GRIN2B: variants seen among roughly 807,000 people sequenced by gnomAD.
GRIN2B encodes glutamate receptor ionotropic, NMDA 2B.
Under a neutral mutation model 114.5 loss-of-function variants are expected in GRIN2B, and 5 were observed. That is an observed-to-expected ratio of 0.04 (90% confidence interval 0.02 to 0.09). The LOEUF (loss-of-function observed/expected upper bound fraction) is 0.09, where lower values mean the gene tolerates loss of function less well. Among genes scored for constraint, GRIN2B ranks in the 10% least tolerant of loss-of-function variants. The pLI, the probability that GRIN2B is intolerant of heterozygous loss-of-function variation, is 1.00. For missense variants in GRIN2B, 1,108 were observed against 1,943.5 expected (o/e 0.57, Z 8.08); for synonymous variants, 787 against 745.1 (o/e 1.06, Z -0.92).
At chr12:13,587,712 T>A (rs900512253) in intron 10 of GRIN2B, among the ~76,000 whole-genome samples, 3 of 152,204 alleles carry the variant, frequency 2.0e-5, no homozygotes, top group African/African-American at 7.2e-5. Flanking sequence ...ACATTTATTT[T>A]TTCCACTTAA....
At chr12:13,607,399 TAATATATAA>T (rs1949291264) in intron 10 of GRIN2B, among the ~76,000 whole-genome samples, 1 of 73,914 alleles carries the variant, frequency 1.4e-5, no homozygotes, top group Non-Finnish European at 2.4e-5. Context: ...ATATTATATA[TAATATATAA>T]AATATATAAT....
chr12:13,926,670 G>A (rs1866917275), intron 2 of GRIN2B, among the ~76,000 whole-genome samples: 1 of 152,154 alleles, frequency 6.6e-6, no homozygotes. Flanking sequence ...AGACAAATTT[G>A]TGGCCGGGTG....
At chr12:13,827,190 T>C (rs1865054713) in intron 3 of GRIN2B, among the ~76,000 whole-genome samples, 1 of 150,074 alleles carries the variant, frequency 6.7e-6, no homozygotes. Flanking sequence ...ATTGCTAGTT[T>C]TCAGCAATTT....
chr12:13,841,773 T>C (rs1865382018), intron 3 of GRIN2B, among the ~76,000 whole-genome samples: 1 of 152,130 alleles, frequency 6.6e-6, no homozygotes, highest in African/African-American at 2.4e-5. Context: ...ATGTATTGGG[T>C]TGTTGACACA....
chr12:13,948,879 G>A (rs757297470), intron 2 of GRIN2B, among the ~76,000 whole-genome samples: 22 of 152,174 alleles, frequency 1.4e-4, no homozygotes, highest in Non-Finnish European at 2.9e-4. Flanking sequence ...CTAAACTGAT[G>A]GGCAGCCACT....
At position 13,564,428 on chromosome 12, in the gene GRIN2B, T is replaced by C. The variant is rs1168893427; in HGVS notation, c.2810A>G (p.His937Arg). ...RESSVYDISEHRRSFTHSDCK... is the reference protein window; with the variant it reads ...RESSVYDISERRRSFTHSDCK... Reference sequence around the variant, plus strand: ...GTCAGAATGCGTGAAGCTGCGGCGGTGCTCTGAGATGTCATAGACGGATGA... The same window carrying C: ...GTCAGAATGCGTGAAGCTGCGGCGGCGCTCTGAGATGTCATAGACGGATGA... Residue 937 changes from histidine (H) to arginine (R), a missense_variant, in exon 14 of 14, where the codon CAC becomes CGC. His to Arg is a conservative substitution (Grantham distance 29). Coordinates refer to ENST00000609686, the MANE Select transcript of GRIN2B (RefSeq NM_000834.5). This position sits in a 1 kb window ranked among gnomAD's most constrained non-coding sequence, Gnocchi z 4.8. 1.1e-5 allele frequency: 17 copies of C among 1,614,234 alleles called. No homozygotes were observed. Among genetic ancestry groups the C allele is most frequent in the Non-Finnish European group, 1.4e-5 (17 of 1,180,034 alleles).
chr12:13,835,412 T>C (rs1224618884), intron 3 of GRIN2B, among the ~76,000 whole-genome samples: 1 of 151,944 alleles, frequency 6.6e-6, no homozygotes, highest in East Asian at 1.9e-4. Context: ...TTCTGGGAAA[T>C]AATATTTAAA....
chr12:13,794,230 G>GAAAAGAAA (rs1864375574), intron 3 of GRIN2B, among the ~76,000 whole-genome samples: 2 of 141,430 alleles, frequency 1.4e-5, no homozygotes, highest in Admixed American at 7.1e-5. Context: ...AAAAGAAAAA[G>GAAAAGAAA]AAAAGAAAAA....
chr12:13,878,637 A>G (rs1431389891), intron 2 of GRIN2B, among the ~76,000 whole-genome samples: 3 of 152,156 alleles, frequency 2.0e-5, no homozygotes, highest in African/African-American at 7.2e-5. Context: ...CGAAAGCAAG[A>G]CCTGAATTCT....
At chr12:13,623,636 TG>T (rs1235205086) in intron 5 of GRIN2B, among the ~76,000 whole-genome samples, 1 of 152,230 alleles carries the variant, frequency 6.6e-6, no homozygotes, top group African/African-American at 2.4e-5. Context: ...TTGAGTTGTT[TG>T]TCTTTCTTAT....
intron 2 of GRIN2B, among the ~76,000 whole-genome samples, chr12:13,975,724 T>C (rs561135358): frequency 6.6e-6 from 1 of 152,358 alleles, no homozygotes; most frequent in Non-Finnish European, 1.5e-5. Context: ...GATTCTAAGA[T>C]GAATAAAACA....
At chr12:13,887,396 G>A (rs1866181389) in intron 2 of GRIN2B, among the ~76,000 whole-genome samples, 2 of 152,010 alleles carry the variant, frequency 1.3e-5, no homozygotes, top group Admixed American at 6.6e-5. Context: ...ATTAGGAAGT[G>A]TAGTAAAATC....
intron 3 of GRIN2B, among the ~76,000 whole-genome samples, chr12:13,854,021 A>G (rs1865616460): frequency 6.6e-6 from 1 of 152,166 alleles, no homozygotes; most frequent in Non-Finnish European, 1.5e-5. Context: ...CAGTTGTGAT[A>G]TGGACTATGT....
intron 5 of GRIN2B, among the ~76,000 whole-genome samples, chr12:13,624,266 A>G (rs1949547620): frequency 6.6e-6 from 1 of 152,110 alleles, no homozygotes; most frequent in Non-Finnish European, 1.5e-5. Flanking sequence ...AATAACAACT[A>G]TGTTCTCAGT....
rs1181585845 is a variant in GRIN2B at position 13,557,384 on chromosome 12, T to C, written c.*5399A>G. 6.6e-6 allele frequency: 1 copy of C among 152,188 alleles called. No individual in the cohort carries two copies. Among genetic ancestry groups the C allele is most frequent in the African/African-American group, 2.4e-5 (1 of 41,436 alleles). 9.4% of individuals were successfully genotyped at this position (152,188 alleles called of 1,614,324 possible). A position where few individuals can be genotyped will look rare whatever the true frequency, so the allele number is the denominator to read the frequency against. On this transcript the variant is annotated 3_prime_UTR_variant, in exon 14 of 14. Coordinates refer to ENST00000609686, the MANE Select transcript of GRIN2B (RefSeq NM_000834.5). ...GCACCCCCTATGGAGGTGGAAAGTA[T>C]AGGATATAGACCAACTCAGCTAATT...
Position 13,761,742 on chromosome 12 carries a change from A to C in GRIN2B, c.412-7827T>G, listed in dbSNP as rs373821769. 1.9e-3 allele frequency among the ~76,000 whole-genome samples: 290 copies of C among 152,352 alleles called. 2 individuals carry two copies. Among genetic ancestry groups the C allele is most frequent in the African/African-American group, 6.5e-3 (271 of 41,590 alleles). ...AGAGCAAGCTGACAAGTTCAGCAAC[A>C]ATCAGGTTCTGTGACTGAATAAATG... On this transcript the variant is annotated intron_variant, in intron 3 of 13. Transcript: ENST00000609686.
intron 2 of GRIN2B, among the ~76,000 whole-genome samples, chr12:13,916,465 A>T (rs895734767): frequency 1.3e-5 from 2 of 152,094 alleles, no homozygotes; most frequent in African/African-American, 2.4e-5. Context: ...ATGGTTCTAA[A>T]CTAGTTGCTC....
In GRIN2B at chr12:13,537,755, C is replaced by T. The variant is rs1377540249; in HGVS notation, c.*25028G>A. Reference sequence around the variant, plus strand: ...GAATGAGACTCTCTAGGGGATGAGACTCAGGCATCAGCATTTCAGAAATAC... The same window carrying T: ...GAATGAGACTCTCTAGGGGATGAGATTCAGGCATCAGCATTTCAGAAATAC... On this transcript the variant is annotated 3_prime_UTR_variant, in exon 14 of 14. Transcript: ENST00000609686. The T allele has an allele frequency of 6.6e-6, 1 of 152,196 alleles. No individual in the cohort carries two copies. Among genetic ancestry groups the T allele is most frequent in the Admixed American group, 6.5e-5 (1 of 15,276 alleles). 9.4% of individuals were successfully genotyped at this position (152,196 alleles called of 1,614,324 possible).
intron 4 of GRIN2B, among the ~76,000 whole-genome samples, chr12:13,687,354 C>T (rs1256171342): frequency 1.3e-5 from 2 of 152,046 alleles, no homozygotes; most frequent in Non-Finnish European, 2.9e-5. Flanking sequence ...TCTTGGTTCT[C>T]CTTATACAAC....
Sources: allele counts gnomAD v4.1 joint callset (sites outside exome capture counted in the v4.1 genomes callset), GRCh38; gene constraint gnomAD v4.1.1; non-coding constraint Gnocchi (gnomAD v3.1); transcripts MANE v1.5; gene names NCBI Gene and HGNC (gene_info 2026-07-23, HGNC 2026-07-21).